Variants in ADK observed in about 807,000 individuals in gnomAD.
The protein encoded by ADK is adenosine kinase, also known as N6,N6-dimethyladenosine kinase.
Under a neutral mutation model 44.7 loss-of-function variants are expected in ADK, and 24 were observed. That is an observed-to-expected ratio of 0.54 (90% confidence interval 0.39 to 0.76). The LOEUF is 0.76. Among genes scored for constraint, ADK ranks in the 30% least tolerant of loss-of-function variants. The pLI, the probability that ADK is intolerant of heterozygous loss-of-function variation, is 0.00. For missense variants in ADK, 321 were observed against 425.1 expected (o/e 0.76, Z 2.15); for synonymous variants, 128 against 142.6 (o/e 0.90, Z 0.73).
chr10:74,158,985 C>T (rs1268635759), intron 1 of ADK, among the ~76,000 whole-genome samples: 1 of 152,248 alleles, frequency 6.6e-6, no homozygotes, highest in South Asian at 2.1e-4. Context: ...AATGGTCTCC[C>T]AAACTGAAGT....
rs41280418 is a variant in ADK at position 74,398,410 on chromosome 10, C to G, written c.447-61C>G. On this transcript the variant is annotated intron_variant, in intron 5 of 10. Coordinates refer to ENST00000539909, the MANE Select transcript of ADK (RefSeq NM_006721.4). ...CTTTGCAAAAAATATTGGTAATTAT[C>G]TATTGAAACATATGCTAAGTTTGAC... 5.7e-3 allele frequency: 6,204 copies of G among 1,083,812 alleles called. 45 individuals are homozygous for G. Among genetic ancestry groups the G allele is most frequent in the Non-Finnish European group, 6.4e-3 (4,679 of 731,098 alleles). 67.1% of individuals were successfully genotyped at this position (1,083,812 alleles called of 1,614,324 possible).
chr10:74,524,707 T>A (rs1848971635), intron 6 of ADK, among the ~76,000 whole-genome samples: 2 of 152,154 alleles, frequency 1.3e-5, no homozygotes, highest in African/African-American at 4.8e-5. Flanking sequence ...GTTATGATCT[T>A]AATTAACAGA....
chr10:74,217,186 G>A (rs1457728950), intron 2 of ADK, among the ~76,000 whole-genome samples: 2 of 152,220 alleles, frequency 1.3e-5, no homozygotes, highest in Non-Finnish European at 2.9e-5. Flanking sequence ...CTTTTCCGAC[G>A]GGCTTAAAAA....
chr10:74,412,050 G>C (rs2132956437), intron 6 of ADK, among the ~76,000 whole-genome samples: 1 of 152,240 alleles, frequency 6.6e-6, no homozygotes, highest in South Asian at 2.1e-4. Flanking sequence ...TAGTTCTCTT[G>C]CTATTTCCAT....
intron 7 of ADK, among the ~76,000 whole-genome samples, chr10:74,547,703 G>T (rs192226792): frequency 6.6e-6 from 1 of 151,546 alleles, no homozygotes; most frequent in Non-Finnish European, 1.5e-5. Flanking sequence ...TGTTACCCAG[G>T]CTAAGAGTGC....
chr10:74,317,597 A>T (rs1318492611), intron 4 of ADK, among the ~76,000 whole-genome samples: 1 of 151,494 alleles, frequency 6.6e-6, no homozygotes, highest in Non-Finnish European at 1.5e-5. Context: ...GAAGAAAATG[A>T]CTTCCTTGGA....
intron 4 of ADK, among the ~76,000 whole-genome samples, chr10:74,393,089 A>T (rs897390715): frequency 6.6e-6 from 1 of 152,076 alleles, no homozygotes; most frequent in African/African-American, 2.4e-5. Flanking sequence ...TTAAGCTGTT[A>T]CTATGTCTCA....
intron 5 of ADK, 80 bp from the exon 6 acceptor site, chr10:74,398,390 CA>C: frequency 1.2e-6 from 1 of 858,962 alleles, no homozygotes; most frequent in Non-Finnish European, 1.8e-6. Context: ...TTAAACTTTG[CA>C]AAAAATATTG....
intron 1 of ADK, among the ~76,000 whole-genome samples, chr10:74,185,842 G>GAAAAAAAAAAAAAAA: frequency 1.5e-5 from 1 of 65,826 alleles, no homozygotes; most frequent in Non-Finnish European, 3.0e-5. Context: ...GTCTCAAAAA[G>GAAAAAAAAAAAAAAA]AAAAAAAAAA....
intron 6 of ADK, among the ~76,000 whole-genome samples, chr10:74,422,499 T>G (rs1192441251): frequency 6.6e-6 from 1 of 152,232 alleles, no homozygotes; most frequent in Non-Finnish European, 1.5e-5. Context: ...CATTGGTTTC[T>G]TGGTTTGGCC....
chr10:74,433,942 T>C (rs755399388), intron 6 of ADK, among the ~76,000 whole-genome samples: 53 of 152,288 alleles, frequency 3.5e-4, no homozygotes, highest in Non-Finnish European at 5.4e-4. Flanking sequence ...AAAGGTGTTA[T>C]ATTAGTCTAG....
At chr10:74,224,254 G>A (rs1202317508) in intron 2 of ADK, among the ~76,000 whole-genome samples, 1 of 152,178 alleles carries the variant, frequency 6.6e-6, no homozygotes, top group Non-Finnish European at 1.5e-5. Context: ...TGTTCCATCA[G>A]TTTTGAACTG....
intron 6 of ADK, among the ~76,000 whole-genome samples, chr10:74,437,646 CCTGA>C (rs1049381923): frequency 1.8e-4 from 28 of 152,306 alleles, no homozygotes; most frequent in Admixed American, 1.8e-3. Flanking sequence ...GCTATAGTCT[CCTGA>C]CTGATCTCCT....
intron 7 of ADK, among the ~76,000 whole-genome samples, chr10:74,580,112 A>G (rs111618934): frequency 2.6e-5 from 4 of 152,266 alleles, no homozygotes; most frequent in Admixed American, 6.5e-5. Flanking sequence ...AAAATATATA[A>G]TGAGAAACAA....
intron 4 of ADK, among the ~76,000 whole-genome samples, chr10:74,376,062 A>G (rs531274255): frequency 2.4e-4 from 36 of 152,028 alleles, no homozygotes; most frequent in African/African-American, 8.4e-4. Context: ...TTTTAATACT[A>G]TATTGCCATA....
chr10:74,392,082 G>A (rs537589715), intron 4 of ADK, among the ~76,000 whole-genome samples: 1 of 152,230 alleles, frequency 6.6e-6, no homozygotes, highest in South Asian at 2.1e-4. Context: ...TGGGTTGCTT[G>A]TACTTCTTGG....
At chr10:74,445,025 CTA>C (rs2133157834) in intron 6 of ADK, among the ~76,000 whole-genome samples, 1 of 152,076 alleles carries the variant, frequency 6.6e-6, no homozygotes, top group East Asian at 1.9e-4. Context: ...GTCATAATAA[CTA>C]ATTTAGAAAA....
chr10:74,393,012 A>G (rs553430319), intron 4 of ADK, among the ~76,000 whole-genome samples: 1 of 152,254 alleles, frequency 6.6e-6, no homozygotes, highest in African/African-American at 2.4e-5. Flanking sequence ...TACAAATAAC[A>G]TCTCAATACT....
At chr10:74,697,348 G>A (rs1856244442) in intron 10 of ADK, among the ~76,000 whole-genome samples, 1 of 151,906 alleles carries the variant, frequency 6.6e-6, no homozygotes, top group African/African-American at 2.4e-5. Flanking sequence ...GACCAGCTGG[G>A]CCACATGGTG....
Sources: gnomAD v4.1 joint callset for allele counts (sites outside exome capture counted in the v4.1 genomes callset) on GRCh38, gnomAD v4.1.1 for gene constraint, MANE v1.5 for transcripts, NCBI Gene and HGNC (gene_info 2026-07-23, HGNC 2026-07-21) for gene names.